SUMF1: variants seen among roughly 807,000 people sequenced by gnomAD.
SUMF1 encodes the protein sulfatase modifying factor 1, also known as formylglycine-generating enzyme.
A neutral mutation model predicts 47.6 loss-of-function variants in SUMF1; 48 were observed. That is an observed-to-expected ratio of 1.01 (90% CI 0.80 to 1.28). SUMF1 has a LOEUF of 1.28. Among genes scored for constraint, SUMF1 ranks in the 50% most tolerant of loss-of-function variants. The pLI is 0.00. For missense variants in SUMF1, 571 were observed against 485.4 expected, an observed-to-expected ratio of 1.18 and a Z score of -1.66; for synonymous variants, 230 against 192.1, an observed-to-expected ratio of 1.20 and a Z score of -1.63.
rs141588453 is a variant in SUMF1, at chr3:4,178,586, A to G, written c.1015-109841T>C. 9.8e-4 allele frequency among the ~76,000 whole-genome samples: 149 copies of G among 152,338 alleles called. 1 individual carries two copies. Among genetic ancestry groups the G allele is most frequent in the Middle Eastern group, 3.4e-3 (1 of 294 alleles). ...ATGACAAACCCACAGCCAATATCAT[A>G]CTGAATGGGCAAAAACTGGAAGCAT... On this transcript the variant is annotated intron_variant and NMD_transcript_variant, in intron 8 of 12. Transcript: ENST00000448413.
chr3:4,304,553 G>T (rs1052481102), intron 8 of SUMF1, among the ~76,000 whole-genome samples: 5 of 152,218 alleles, frequency 3.3e-5, no homozygotes, highest in Non-Finnish European at 7.3e-5. Context: ...GGAGAGTATG[G>T]TTCGGAGCTT....
At chr3:4,232,694 G>A (rs111862257) in intron 8 of SUMF1, among the ~76,000 whole-genome samples, 190 of 151,938 alleles carry the variant, frequency 1.3e-3, no homozygotes, top group African/African-American at 4.2e-3. Context: ...AAGGCCATAT[G>A]GTATTTTTTT....
rs1040877232 is a variant in SUMF1, at chr3:4,208,935, T to C, written c.1015-140190A>G. Among the ~76,000 whole-genome samples, 5 of 152,162 alleles carry C rather than the reference T, an allele frequency of 3.3e-5. No individual in the cohort carries two copies. The East Asian group carries it at 9.6e-4, about 29-fold the overall frequency. On this transcript the variant is annotated intron_variant and NMD_transcript_variant, in intron 8 of 12. Coordinates refer to the SUMF1 transcript ENST00000448413. ...TTTGTTAAGGATTTTTGCATCTGTGTCCATGAAGGATATTGGTCTATAGTT... is the reference window on the plus strand; with the variant it reads ...TTTGTTAAGGATTTTTGCATCTGTGCCCATGAAGGATATTGGTCTATAGTT...
At chr3:4,128,349 G>A (rs1432388402) in intron 8 of SUMF1, among the ~76,000 whole-genome samples, 1 of 152,184 alleles carries the variant, frequency 6.6e-6, no homozygotes, top group East Asian at 1.9e-4. Context: ...GGACCCTGAT[G>A]AAGCAGGGGA....
chr3:4,118,885 G>T (rs1243210013), intron 8 of SUMF1, among the ~76,000 whole-genome samples: 1 of 151,946 alleles, frequency 6.6e-6, no homozygotes, highest in African/African-American at 2.4e-5. Context: ...CTACACACTT[G>T]CTGGATAGCC....
At chr3:4,236,110 A>AT (rs1426972257) in intron 8 of SUMF1, among the ~76,000 whole-genome samples, 1 of 152,018 alleles carries the variant, frequency 6.6e-6, no homozygotes, top group East Asian at 1.9e-4. Context: ...CATCTTGCTA[A>AT]TTTTTTGTAT....
chr3:4,289,799 G>A (rs1012923418), intron 8 of SUMF1, among the ~76,000 whole-genome samples: 1 of 149,268 alleles, frequency 6.7e-6, no homozygotes, highest in African/African-American at 2.6e-5. Flanking sequence ...TAGCACAATG[G>A]CCAACACACA....
chr3:4,457,038 GTATA>G (rs1313561547), intron 1 of SUMF1, among the ~76,000 whole-genome samples: 2 of 109,258 alleles, frequency 1.8e-5, no homozygotes, highest in South Asian at 2.7e-4. Flanking sequence ...ACGTGTGTGT[GTATA>G]TATATATACG....
At chr3:4,337,840 A>T (rs143533536) in intron 8 of SUMF1, among the ~76,000 whole-genome samples, 1 of 151,108 alleles carries the variant, frequency 6.6e-6, no homozygotes, top group Admixed American at 6.6e-5. Context: ...GCCAATCTGT[A>T]TCTCCTACCC....
chr3:4,049,163 A>G (rs1695059940), intron 9 of SUMF1, among the ~76,000 whole-genome samples: 1 of 152,174 alleles, frequency 6.6e-6, no homozygotes, highest in South Asian at 2.1e-4. Flanking sequence ...CACTACACAG[A>G]CATTGCAGGC....
At chr3:4,076,833 G>T (rs887317836) in intron 8 of SUMF1, among the ~76,000 whole-genome samples, 1 of 151,840 alleles carries the variant, frequency 6.6e-6, no homozygotes, top group East Asian at 1.9e-4. Context: ...CCCCATCTCT[G>T]CTTAACTTAG....
At chr3:4,462,648 CAACCTT>C (rs1179992853) in intron 1 of SUMF1, among the ~76,000 whole-genome samples, 2 of 152,172 alleles carry the variant, frequency 1.3e-5, no homozygotes, top group Non-Finnish European at 2.9e-5. Context: ...TTCCTCTCCT[CAACCTT>C]AACATTAAAA....
chr3:4,155,622 A>C (rs1297715671), intron 8 of SUMF1, among the ~76,000 whole-genome samples: 2 of 151,438 alleles, frequency 1.3e-5, no homozygotes, highest in African/African-American at 4.9e-5. Context: ...CTATGATGTG[A>C]TTTGGGGCTC....
chr3:4,080,997 G>C (rs570107720), intron 8 of SUMF1, among the ~76,000 whole-genome samples: 1 of 152,220 alleles, frequency 6.6e-6, no homozygotes, highest in South Asian at 2.1e-4. Flanking sequence ...TGGGAATAAT[G>C]ATGATCTGGT....
intron 3 of SUMF1, among the ~76,000 whole-genome samples, chr3:4,448,314 G>C (rs533732240): frequency 6.6e-6 from 1 of 152,092 alleles, no homozygotes; most frequent in Non-Finnish European, 1.5e-5. Flanking sequence ...TGCTGCTCAC[G>C]AGAGGACAGA....
rs140115879 is a variant in SUMF1 at position 4,071,165 on chromosome 3, G to T, written c.1015-2420C>A. 2.0e-4 allele frequency among the ~76,000 whole-genome samples: 30 copies of T among 152,094 alleles called. No homozygotes were observed. In the East Asian group the frequency reaches 5.2e-3, roughly 26 times the overall value. ...AACTACATACTTGCATTTAAAACTG[G>T]CATTAGGAGGTGCTTCCACGATGGC... On this transcript the variant is annotated intron_variant and NMD_transcript_variant, in intron 8 of 12. Coordinates refer to the SUMF1 transcript ENST00000448413.
chr3:4,465,850 C>T (rs1229261384), intron 1 of SUMF1, among the ~76,000 whole-genome samples: 2 of 152,032 alleles, frequency 1.3e-5, no homozygotes, highest in Admixed American at 6.6e-5. Flanking sequence ...AGGCAGGATA[C>T]GGAAATATTG....
intron 8 of SUMF1, among the ~76,000 whole-genome samples, chr3:4,362,720 G>A (rs904394318): frequency 4.6e-5 from 7 of 152,090 alleles, no homozygotes; most frequent in Admixed American, 3.3e-4. Flanking sequence ...CCAGGAGCTC[G>A]AGGCCAGCCT....
At chr3:4,417,885 A>G (rs1329775425) in intron 5 of SUMF1, 125 bp downstream of exon 5, 4 of 1,544,338 alleles carry the variant, frequency 2.6e-6, no homozygotes, top group Non-Finnish European at 3.6e-6. Flanking sequence ...TCGTGGAAAA[A>G]TAAGAAAAAG....
Sources: gnomAD v4.1 joint callset for allele counts (sites outside exome capture counted in the v4.1 genomes callset) on GRCh38, gnomAD v4.1.1 for gene constraint, MANE v1.5 for transcripts, NCBI Gene and HGNC (gene_info 2026-07-23, HGNC 2026-07-21) for gene names.